The following STAG1 variants were observed in gnomAD, a reference collection of about 807,000 sequenced individuals.
The protein encoded by STAG1 is cohesin subunit SA-1.
In STAG1, 26 loss-of-function variants were observed where a neutral mutation model predicts 170.9. That is an observed-to-expected ratio of 0.15 (90% CI 0.11 to 0.21). The LOEUF is 0.21. Ranked by LOEUF, STAG1 falls within the 10% of genes least tolerant of loss-of-function variation. The pLI is 1.00. For missense variants in STAG1, 964 were observed against 1,509.5 expected (o/e 0.64, Z 5.99); for synonymous variants, 514 against 497.7 (o/e 1.03, Z -0.44).
At chr3:136,403,408 T>C (rs1323746153) in intron 21 of STAG1, among the ~76,000 whole-genome samples, 3 of 151,884 alleles carry the variant, frequency 2.0e-5, no homozygotes, top group South Asian at 2.1e-4. Flanking sequence ...ATGCAGAAAA[T>C]AGACTACTGG....
At chr3:136,727,230 G>T (rs1230486593) in intron 1 of STAG1, among the ~76,000 whole-genome samples, 1 of 152,070 alleles carries the variant, frequency 6.6e-6, no homozygotes, top group Admixed American at 6.5e-5. Flanking sequence ...AACTTGGACA[G>T]CCTTAAGTAA....
chr3:136,637,637 A>G (rs185079295), intron 1 of STAG1, among the ~76,000 whole-genome samples: 26 of 152,306 alleles, frequency 1.7e-4, no homozygotes, highest in Middle Eastern at 6.8e-3. Flanking sequence ...CACGTATTCT[A>G]CTTTCTAGCT....
At chr3:136,632,888 G>C (rs1448304655) in intron 1 of STAG1, among the ~76,000 whole-genome samples, 1 of 152,090 alleles carries the variant, frequency 6.6e-6, no homozygotes, top group East Asian at 1.9e-4. Flanking sequence ...TACCCACAGA[G>C]GGTTTTTCCC....
chr3:136,718,484 CA>C (rs1458838246), intron 1 of STAG1, among the ~76,000 whole-genome samples: 1 of 152,158 alleles, frequency 6.6e-6, no homozygotes, highest in Non-Finnish European at 1.5e-5. Context: ...TTAAACATTA[CA>C]TTTTTGCATG....
At chr3:136,670,215 A>G (rs1941934674) in intron 1 of STAG1, among the ~76,000 whole-genome samples, 1 of 152,206 alleles carries the variant, frequency 6.6e-6, no homozygotes. Flanking sequence ...TGTTTTCCCA[A>G]CCCTATAGCC....
rs572761221 is a variant in STAG1 at position 136,487,537 on chromosome 3, G to C, written c.903-10125C>G. 1.5e-4 allele frequency among the ~76,000 whole-genome samples: 23 copies of C among 152,266 alleles called. No homozygotes were observed. The South Asian group carries it at 4.8e-3, about 32-fold the overall frequency. ...TTCCAGACTTGCAATTTGACCATGT[G>C]GGGCCAGAGAGCCTATTCTGTAGCT... On this transcript the variant is annotated intron_variant, in intron 9 of 33. Transcript: ENST00000383202.
intron 4 of STAG1, among the ~76,000 whole-genome samples, chr3:136,577,980 A>C (rs1937514207): frequency 6.6e-6 from 1 of 152,194 alleles, no homozygotes; most frequent in Middle Eastern, 3.2e-3. Flanking sequence ...TGGCCTTGAC[A>C]GATTAGGGAG....
chr3:136,462,557 G>T (rs890270689), intron 13 of STAG1, among the ~76,000 whole-genome samples: 2 of 152,086 alleles, frequency 1.3e-5, no homozygotes, highest in Non-Finnish European at 2.9e-5. Flanking sequence ...TTGGTTAATG[G>T]GTTCAAAAAT....
intron 9 of STAG1, among the ~76,000 whole-genome samples, chr3:136,484,280 T>TA (rs2089953279): frequency 6.6e-6 from 1 of 151,980 alleles, no homozygotes; most frequent in African/African-American, 2.4e-5. Context: ...TTCTGGTTGT[T>TA]AGTTTTCCTT....
chr3:136,592,577 G>C (rs1938237807), intron 4 of STAG1, among the ~76,000 whole-genome samples: 1 of 152,094 alleles, frequency 6.6e-6, no homozygotes, highest in African/African-American at 2.4e-5. Context: ...CTCAACCCTT[G>C]ATCTCTATCT....
intron 25 of STAG1, among the ~76,000 whole-genome samples, chr3:136,364,966 T>C (rs1937019423): frequency 1.3e-5 from 2 of 152,202 alleles, no homozygotes; most frequent in East Asian, 3.8e-4. Context: ...ACTAAAGTAC[T>C]GGAGCAGGCA....
At chr3:136,469,545 A>G (rs963544033) in intron 12 of STAG1, among the ~76,000 whole-genome samples, 2 of 152,242 alleles carry the variant, frequency 1.3e-5, no homozygotes, top group Non-Finnish European at 2.9e-5. Flanking sequence ...ATATCGTGAA[A>G]ATGGCCATAC....
At chr3:136,388,134 T>C (rs1454282990) in intron 22 of STAG1, among the ~76,000 whole-genome samples, 1 of 152,192 alleles carries the variant, frequency 6.6e-6, no homozygotes, top group Non-Finnish European at 1.5e-5. Context: ...CAAAATAACA[T>C]TTACTGTTAA....
intron 3 of STAG1, among the ~76,000 whole-genome samples, chr3:136,618,073 T>C (rs561479192): frequency 1.1e-3 from 175 of 152,344 alleles, no homozygotes; most frequent in African/African-American, 3.7e-3. Flanking sequence ...AAGAAAAGTA[T>C]GTTCAATTCT....
intron 1 of STAG1, among the ~76,000 whole-genome samples, chr3:136,675,202 A>G (rs1393854278): frequency 5.9e-5 from 9 of 152,192 alleles, no homozygotes; most frequent in Admixed American, 5.9e-4. Flanking sequence ...TCCCCAGTCA[A>G]CTTCCAGAAA....
At chr3:136,721,076 T>G (rs1933233785) in intron 1 of STAG1, among the ~76,000 whole-genome samples, 1 of 152,190 alleles carries the variant, frequency 6.6e-6, no homozygotes, top group Admixed American at 6.5e-5. Context: ...CCTTAGACAT[T>G]GGAAGTGTAT....
intron 4 of STAG1, among the ~76,000 whole-genome samples, chr3:136,585,950 AATTT>A (rs1212462403): frequency 6.6e-5 from 10 of 152,272 alleles, no homozygotes; most frequent in South Asian, 2.1e-4. Flanking sequence ...ATTCAAACCA[AATTT>A]ATTGAGAAAG....
At chr3:136,464,171 C>G (rs558964040) in intron 13 of STAG1, among the ~76,000 whole-genome samples, 8 of 151,998 alleles carry the variant, frequency 5.3e-5, no homozygotes, top group African/African-American at 1.9e-4. Flanking sequence ...TGCCTGTAAT[C>G]CCAGCAGTTT....
At chr3:136,605,332 A>G (rs1938880543) in intron 3 of STAG1, among the ~76,000 whole-genome samples, 1 of 152,052 alleles carries the variant, frequency 6.6e-6, no homozygotes, top group South Asian at 2.1e-4. Flanking sequence ...TCTCTATCTC[A>G]CCTTTAGGGC....
Sources: allele counts gnomAD v4.1 joint callset (sites outside exome capture counted in the v4.1 genomes callset), GRCh38; gene constraint gnomAD v4.1.1; transcripts MANE v1.5; gene names NCBI Gene and HGNC (gene_info 2026-07-23, HGNC 2026-07-21).